NACC2: variants seen among roughly 807,000 people sequenced by gnomAD.
The protein encoded by NACC2 is NACC family member 2.
In NACC2, 8 loss-of-function variants were observed where a neutral mutation model predicts 25.1. The observed-to-expected ratio is 0.32, with a 90% CI of 0.19 to 0.57. NACC2 has a LOEUF of 0.57. Ranked by LOEUF, NACC2 falls within the 20% of genes least tolerant of loss-of-function variation. The pLI is 0.89. For missense variants in NACC2, 644 were observed against 650.2 expected, an observed-to-expected ratio of 0.99 and a Z score of 0.10; for synonymous variants, 435 against 294.7, an observed-to-expected ratio of 1.48 and a Z score of -4.88.
rs1231937136 is a variant in NACC2, at chr9:136,014,039, G to A, written c.1052-70C>T. On this transcript the variant is annotated intron_variant, in intron 3 of 5. Coordinates refer to ENST00000277554, the MANE Select transcript of NACC2 (RefSeq NM_144653.5). ...ATAGGGTCCGAAGAGGCGCACAGAT[G>A]GGTGAGGGGGAGGGGGGGAGGTGGA... is the stretch of plus-strand genomic sequence containing the variant. The A allele has an allele frequency of 1.8e-5, 16 of 881,944 alleles. No individual in the cohort carries two copies. The East Asian group carries it at 2.2e-4, about 12-fold the overall frequency. The allele number at this position is 881,944 out of a possible 1,614,324, so 54.6% of individuals were successfully genotyped here.
rs1840794293 is a variant in NACC2 at position 136,050,020 on chromosome 9, G to A, written c.502C>T (p.Pro168Ser). The A allele has an allele frequency of 1.4e-6, 1 of 696,358 alleles. No homozygotes were observed. The highest frequency in any genetic ancestry group is 2.6e-6 in the Non-Finnish European group (1 of 382,992). 43.1% of individuals were successfully genotyped at this position (696,358 alleles called of 1,614,324 possible). ...PYVVSPSVPI[P>S]LLTRVKHEAM... Reference sequence around the variant, plus strand: ...TCATGCTTTACTCGGGTCAGCAGCGGGATGGGCACCGAGGGGGACACGACG... The same window carrying A: ...TCATGCTTTACTCGGGTCAGCAGCGAGATGGGCACCGAGGGGGACACGACG... Residue 168 changes from proline (P) to serine (S), a missense_variant, in exon 2 of 6, where the codon CCG (proline) becomes TCG (serine). By Grantham distance (74) the Pro-to-Ser change is moderately conservative (BLOSUM62 -1). Transcript: ENST00000277554.
chr9:136,046,046 G>T (rs12350140), intron 2 of NACC2, among the ~76,000 whole-genome samples: 1 of 152,172 alleles, frequency 6.6e-6, no homozygotes, highest in Non-Finnish European at 1.5e-5. Context: ...AGGCGGGTAC[G>T]CGAGGAAGAG....
At chr9:136,091,726 G>A (rs1830435498) in intron 1 of NACC2, among the ~76,000 whole-genome samples, 1 of 152,064 alleles carries the variant, frequency 6.6e-6, no homozygotes, top group Admixed American at 6.5e-5. Flanking sequence ...CCAGCAAATG[G>A]GCAGCTGCAG....
chr9:136,035,159 T>C (rs1221424294), intron 2 of NACC2, among the ~76,000 whole-genome samples: 1 of 152,082 alleles, frequency 6.6e-6, no homozygotes. Flanking sequence ...CAGGCAGGAA[T>C]CATCAATAAA....
chr9:136,050,505 T>C lies in NACC2; in HGVS notation c.17A>G (p.His6Arg), dbSNP rs1480171549. Reference protein sequence around the residue: MSQMLHIEIPNFGNTV... With the variant: MSQMLRIEIPNFGNTV... ...GTTCCCGAAGTTGGGGATCTCGATG[T>C]GCAGCATCTGAGACATGGCGGGCGG... Residue 6 changes from histidine (H) to arginine (R), a missense_variant, in exon 2 of 6, where the codon CAC (histidine) becomes CGC (arginine). Coordinates refer to ENST00000277554, the MANE Select transcript of NACC2 (RefSeq NM_144653.5). 1 of 763,622 alleles carries C rather than the reference T, an allele frequency of 1.3e-6. No individual in the cohort carries two copies. Among genetic ancestry groups the C allele is most frequent in the East Asian group, 2.4e-5 (1 of 41,180 alleles). 47.3% of individuals were successfully genotyped at this position (763,622 alleles called of 1,614,324 possible).
intron 2 of NACC2, among the ~76,000 whole-genome samples, chr9:136,042,873 C>G (rs76333824): frequency 1.6e-5 from 2 of 127,898 alleles, no homozygotes; most frequent in Non-Finnish European, 3.3e-5. Context: ...CAGAGACAAA[C>G]AGACACACAC....
At chr9:136,068,224 G>A (rs545355929) in intron 1 of NACC2, among the ~76,000 whole-genome samples, 18 of 152,242 alleles carry the variant, frequency 1.2e-4, no homozygotes, top group South Asian at 2.1e-4. Context: ...GTGGCTGGGC[G>A]CAGTAGCTCA....
In NACC2 at chr9:136,050,053, C is replaced by T; in HGVS notation, c.469G>A (p.Ala157Thr). The T allele has an allele frequency of 1.4e-6, 1 of 721,786 alleles. No homozygotes were observed. The highest frequency in any genetic ancestry group is 1.5e-5 in the South Asian group (1 of 67,050). 44.7% of individuals were successfully genotyped at this position (721,786 alleles called of 1,614,324 possible). A position where few individuals can be genotyped will look rare whatever the true frequency, so the allele number is the denominator to read the frequency against. ...NQLQPAAAAAAPYVVSPSVPI... is the reference protein window; with the variant it reads ...NQLQPAAAAATPYVVSPSVPI... ...ACCGAGGGGGACACGACGTAGGGGG[C>T]CGCGGCGGCGGCGGCCGGCTGCAGC... The change falls in exon 2 of 6, where the codon GCC becomes ACC. Residue 157 changes from alanine to threonine, a missense_variant. Physicochemically the swap from Ala to Thr is moderately conservative, Grantham distance 58. Coordinates refer to ENST00000277554, the MANE Select transcript of NACC2 (RefSeq NM_144653.5).
Position 136,013,291 on chromosome 9 carries a change from G to A in NACC2, c.1163C>T (p.Thr388Met), listed in dbSNP as rs1266987817. 12 of 1,611,702 alleles carry A rather than the reference G, an allele frequency of 7.4e-6. No homozygotes were observed. Among genetic ancestry groups the A allele is most frequent in the East Asian group, 2.2e-5 (1 of 44,848 alleles). The stretch of plus-strand genomic sequence containing the variant: ...GCCAGTCCCGCAGCTGTTGGCCAGC[G>A]TGTTCCTGGTGGAGGGACCGGAAAG... ...RLLATFFDRN[T>M]LANSCGTGIR... The change falls in exon 5 of 6, where the codon ACG (threonine) becomes ATG (methionine). Residue 388 changes from threonine (T) to methionine (M), a missense_variant. By Grantham distance (81) the Thr-to-Met change is moderately conservative. Transcript: ENST00000277554. The surrounding 1 kb of genome is among the most constrained non-coding windows in gnomAD (Gnocchi z 6.6).
At chr9:136,090,627 G>A (rs1830424725) in intron 1 of NACC2, among the ~76,000 whole-genome samples, 1 of 152,210 alleles carries the variant, frequency 6.6e-6, no homozygotes, top group South Asian at 2.1e-4. Context: ...CCGGATTCCA[G>A]CCTCCAGATT....
Position 136,022,571 on chromosome 9 carries a change from C to A in NACC2, c.887-6142G>T, listed in dbSNP as rs1454573763. Among the ~76,000 whole-genome samples the A allele has an allele frequency of 1.3e-5, 2 of 152,188 alleles. No homozygotes were observed. Among genetic ancestry groups the A allele is most frequent in the Non-Finnish European group, 2.9e-5 (2 of 68,036 alleles). On this transcript the variant is annotated intron_variant, in intron 2 of 5. Coordinates refer to ENST00000277554, the MANE Select transcript of NACC2 (RefSeq NM_144653.5). This position sits in a 1 kb window ranked among gnomAD's most constrained non-coding sequence, Gnocchi z 4.4. ...CCAGCTTTGGGGGTGGGTCCATGGT[C>A]CCAGCTCGCTGCCTCCTGGCCAGTG... is the stretch of plus-strand genomic sequence containing the variant.
intron 2 of NACC2, among the ~76,000 whole-genome samples, chr9:136,033,239 A>C (rs1840499295): frequency 6.6e-6 from 1 of 152,128 alleles, no homozygotes; most frequent in Non-Finnish European, 1.5e-5. Context: ...TCTCAGAGTA[A>C]ATCAGTGAGT....
chr9:136,064,984 G>A (rs1328560814), intron 1 of NACC2, among the ~76,000 whole-genome samples: 2 of 152,180 alleles, frequency 1.3e-5, no homozygotes, highest in African/African-American at 4.8e-5. Context: ...ATGTGGTGCT[G>A]GGACGACTGG....
At chr9:136,061,549 G>A (rs1841010631) in intron 1 of NACC2, among the ~76,000 whole-genome samples, 2 of 152,190 alleles carry the variant, frequency 1.3e-5, no homozygotes, top group Admixed American at 6.5e-5. Context: ...GATGGGCCGT[G>A]CTGATTGTAC....
At chr9:136,060,845 G>A (rs1304918460) in intron 1 of NACC2, among the ~76,000 whole-genome samples, 3 of 152,222 alleles carry the variant, frequency 2.0e-5, no homozygotes, top group African/African-American at 7.2e-5. Flanking sequence ...TGGCTATCCA[G>A]GGATCTGCCA....
chr9:136,055,064 TG>T lies in NACC2; in HGVS notation c.-59-4485del, dbSNP rs947399905. Among the ~76,000 whole-genome samples the T allele has an allele frequency of 6.6e-6, 1 of 151,416 alleles. No homozygotes were observed. Among genetic ancestry groups the T allele is most frequent in the Admixed American group, 6.6e-5 (1 of 15,218 alleles). ...AATACAGGTGGCTGTGGTGTCGGAG[TG>T]GGGGGTCTCTCCTCTGCAGAGCCTC... On this transcript the variant is annotated intron_variant, in intron 1 of 5. Coordinates refer to ENST00000277554, the MANE Select transcript of NACC2 (RefSeq NM_144653.5). This position sits in a 1 kb window ranked among gnomAD's most constrained non-coding sequence, Gnocchi z 4.9.
intron 1 of NACC2, among the ~76,000 whole-genome samples, chr9:136,052,715 C>T (rs985929645): frequency 6.6e-6 from 1 of 152,240 alleles, no homozygotes; most frequent in Non-Finnish European, 1.5e-5. Context: ...GGGGCAGCCC[C>T]GCCTGAGAGG....
intron 1 of NACC2, among the ~76,000 whole-genome samples, chr9:136,085,891 GC>G (rs1029600024): frequency 1.8e-4 from 28 of 152,186 alleles, no homozygotes; most frequent in African/African-American, 6.0e-4. Context: ...GAGCCCAGAG[GC>G]CGGGCGCCGT....
intron 2 of NACC2, among the ~76,000 whole-genome samples, chr9:136,027,849 T>TA (rs980026849): frequency 9.9e-5 from 15 of 151,820 alleles, no homozygotes; most frequent in Admixed American, 9.2e-4. Context: ...TAAACTGAAA[T>TA]AAAAAAATAT....
Sources: allele counts gnomAD v4.1 joint callset (sites outside exome capture counted in the v4.1 genomes callset), GRCh38; gene constraint gnomAD v4.1.1; non-coding constraint Gnocchi (gnomAD v3.1); transcripts MANE v1.5; gene names NCBI Gene and HGNC (gene_info 2026-07-23, HGNC 2026-07-21).